Variants in MGAM2 observed in about 807,000 individuals in gnomAD.
MGAM2 encodes the protein maltase-glucoamylase 2 (putative).
In MGAM2, 98 loss-of-function variants were observed where a neutral mutation model predicts 96.1. The ratio of observed to expected loss-of-function variants is 1.02; its 90% CI spans 0.87 to 1.21. The LOEUF (loss-of-function observed/expected upper bound fraction) is 1.21. Ranked by LOEUF, MGAM2 falls within the 50% of genes most tolerant of loss-of-function variation. The pLI is 0.00. For missense variants in MGAM2, 2,055 were observed against 1,182.4 expected, an observed-to-expected ratio of 1.74 and a Z score of -10.82; for synonymous variants, 749 against 414.8, an observed-to-expected ratio of 1.81 and a Z score of -9.79.
At chr7:142,128,806 C>T in intron 3 of MGAM2, among the ~76,000 whole-genome samples, 1 of 152,158 alleles carries the variant, frequency 6.6e-6, no homozygotes, top group East Asian at 1.9e-4. Context: ...TAGGTGGAGT[C>T]CTTATGGAGA....
intron 15 of MGAM2, among the ~76,000 whole-genome samples, chr7:142,153,770 C>T (rs377189868): frequency 2.0e-4 from 31 of 152,282 alleles, no homozygotes; most frequent in South Asian, 4.1e-4. Flanking sequence ...AATCGGGGAA[C>T]GGAAGCCTAG....
At chr7:142,160,794 G>T (rs1260868013) in intron 21 of MGAM2, among the ~76,000 whole-genome samples, 1 of 151,934 alleles carries the variant, frequency 6.6e-6, no homozygotes, top group African/African-American at 2.4e-5. Context: ...AGGGTTAAAT[G>T]AATTAATATA....
intron 36 of MGAM2, among the ~76,000 whole-genome samples, chr7:142,188,395 AG>A (rs1421093356): frequency 6.6e-6 from 1 of 152,114 alleles, no homozygotes; most frequent in East Asian, 1.9e-4. Flanking sequence ...GTTTAAGACC[AG>A]GAGTTTGAGT....
chr7:142,138,474 G>A (rs1795124289), intron 9 of MGAM2, 68 bp from the exon 10 acceptor site: 9 of 663,784 alleles, frequency 1.4e-5, no homozygotes, highest in Admixed American at 4.6e-5. Flanking sequence ...TCAGCTCTGG[G>A]AACTTCACAG....
chr7:142,203,157 T>A (rs1797289879), intron 45 of MGAM2, among the ~76,000 whole-genome samples: 1 of 152,188 alleles, frequency 6.6e-6, no homozygotes, highest in Non-Finnish European at 1.5e-5. Flanking sequence ...TGATTTAAGT[T>A]TCTTATAGAA....
At chr7:142,123,787 C>T (rs1011748481) in intron 3 of MGAM2, among the ~76,000 whole-genome samples, 2 of 152,034 alleles carry the variant, frequency 1.3e-5, no homozygotes, top group Admixed American at 6.6e-5. Flanking sequence ...CACTTTATCA[C>T]TTTTTCAATG....
At chr7:142,196,886 T>G in intron 40 of MGAM2, 70 bp downstream of exon 40, 3 of 664,206 alleles carry the variant, frequency 4.5e-6, no homozygotes, top group Non-Finnish European at 8.2e-6. Flanking sequence ...CCCCCAGGAC[T>G]ATTATACTCA....
At position 142,196,292 on chromosome 7, in the gene MGAM2, G is replaced by A. The variant is rs1307496311; in HGVS notation, c.4480+5G>A. 1.4e-5 allele frequency: 10 copies of A among 740,610 alleles called. No individual in the cohort carries two copies. The highest frequency in any genetic ancestry group is 2.4e-5 in the Non-Finnish European group (10 of 412,654). 45.9% of individuals were successfully genotyped at this position (740,610 alleles called of 1,614,324 possible). A position where few individuals can be genotyped will look rare whatever the true frequency, so the allele number is the denominator to read the frequency against. ...AGCTGGGGAAATCTATCATTGGTGT[G>A]TGGGCTCATTCCCAGGGGCCTGTGC... On this transcript the variant is annotated splice_donor_5th_base_variant and intron_variant, in intron 38 of 47. Coordinates refer to ENST00000477922, the MANE Select transcript of MGAM2 (RefSeq NM_001293626.2).
intron 43 of MGAM2, 121 bp downstream of exon 43, chr7:142,198,316 G>A: frequency 1.6e-6 from 1 of 620,498 alleles, no homozygotes; most frequent in Non-Finnish European, 2.9e-6. Context: ...TTTAGCCTTG[G>A]CAAGGCTTGT....
chr7:142,120,341 C>A lies in MGAM2; in HGVS notation c.146C>A (p.Ser49Ter). The A allele has an allele frequency of 1.4e-6, 1 of 702,938 alleles. No homozygotes were observed. The highest frequency in any genetic ancestry group is 2.6e-6 in the Non-Finnish European group (1 of 384,978). The allele number at this position is 702,938 out of a possible 1,614,324, so 43.5% of individuals were successfully genotyped here. A position where few individuals can be genotyped will look rare whatever the true frequency, so the allele number is the denominator to read the frequency against. The change falls in exon 3 of 48, where the codon TCG becomes TAG. Residue 49 changes from serine to a stop codon, truncating the protein, a stop_gained. Transcript: ENST00000477922. LOFTEE classifies it high-confidence loss of function. ...FTPECPEIPQ[S>*]ERIDCTPDQE... ...CCAGAGTGCCCAGAGATTCCCCAGT[C>A]GGAAAGGATAGACTGCACACCTGAC...
chr7:142,212,332 G>A (rs1452805494), intron 46 of MGAM2, among the ~76,000 whole-genome samples: 1 of 152,158 alleles, frequency 6.6e-6, no homozygotes, highest in Non-Finnish European at 1.5e-5. Flanking sequence ...CATAATGACA[G>A]GATCAAATTC....
In MGAM2 at chr7:142,148,268, C is replaced by T. The variant is rs900085882; in HGVS notation, c.1634+695C>T. On this transcript the variant is annotated intron_variant, in intron 15 of 47. Transcript: ENST00000477922. This position sits in a 1 kb window ranked among gnomAD's most constrained non-coding sequence, Gnocchi z 4.2. Reference sequence around the variant, plus strand: ...CCACAGTTATCACCACCATCCCCCCCACCACCACAATCACTATCACCATCA... The same window carrying T: ...CCACAGTTATCACCACCATCCCCCCTACCACCACAATCACTATCACCATCA... Among the ~76,000 whole-genome samples, 1 of 151,674 alleles carries T rather than the reference C, an allele frequency of 6.6e-6. No homozygotes were observed. The highest frequency in any genetic ancestry group is 1.5e-5 in the Non-Finnish European group (1 of 67,876).
At chr7:142,123,564 T>C (rs916522685) in intron 3 of MGAM2, among the ~76,000 whole-genome samples, 10 of 152,226 alleles carry the variant, frequency 6.6e-5, no homozygotes, top group African/African-American at 2.4e-4. Context: ...GAAATGCTTA[T>C]TGGCTAGTTG....
At chr7:142,130,642 C>G (rs1185488783) in intron 3 of MGAM2, among the ~76,000 whole-genome samples, 1 of 152,164 alleles carries the variant, frequency 6.6e-6, no homozygotes, top group Non-Finnish European at 1.5e-5. Flanking sequence ...CTTGGTGGAG[C>G]CCTCATATCA....
At position 142,141,005 on chromosome 7, in the gene MGAM2, C is replaced by A. The variant is rs189523925; in HGVS notation, c.1219-16C>A. On this transcript the variant is annotated splice_polypyrimidine_tract_variant and intron_variant, in intron 11 of 47. Transcript: ENST00000477922. ...AAATTTATGAAAATAATATTTATAT[C>A]GTATTTCTTTATTAGAATCCTGGCA... is the stretch of plus-strand genomic sequence containing the variant. The A allele has an allele frequency of 8.7e-6, 6 of 693,530 alleles. No individual in the cohort carries two copies. The highest frequency in any genetic ancestry group is 1.6e-5 in the Non-Finnish European group (6 of 382,650). 43.0% of individuals were successfully genotyped at this position (693,530 alleles called of 1,614,324 possible).
chr7:142,137,352 G>T (rs1795088506), intron 8 of MGAM2, 81 bp from the exon 9 acceptor site: 2 of 566,236 alleles, frequency 3.5e-6, no homozygotes, highest in South Asian at 4.6e-5. Context: ...GACTCTTTTA[G>T]GTGGCTCAAC....
chr7:142,193,186 C>A (rs1243102524), intron 37 of MGAM2, among the ~76,000 whole-genome samples: 1 of 152,124 alleles, frequency 6.6e-6, no homozygotes, highest in East Asian at 1.9e-4. Context: ...CTTTACCAAT[C>A]ACAAATGCTG....
chr7:142,207,358 T>C (rs947356350), intron 45 of MGAM2, among the ~76,000 whole-genome samples: 13 of 152,290 alleles, frequency 8.5e-5, no homozygotes, highest in African/African-American at 3.1e-4. Flanking sequence ...AGATGTAAGA[T>C]TGAATTATGA....
At chr7:142,116,853 C>G in intron 1 of MGAM2, 21 bp from the exon 2 acceptor site, 1 of 703,246 alleles carries the variant, frequency 1.4e-6, no homozygotes, top group Non-Finnish European at 2.6e-6. Context: ...TGTTTTAACC[C>G]AATTATCTGT....
Sources: gnomAD v4.1 joint callset for allele counts (sites outside exome capture counted in the v4.1 genomes callset) on GRCh38, gnomAD v4.1.1 for gene constraint, Gnocchi (gnomAD v3.1) non-coding constraint, MANE v1.5 for transcripts, NCBI Gene and HGNC (gene_info 2026-07-23, HGNC 2026-07-21) for gene names.